Variants in OPRM1 observed in about 807,000 individuals in gnomAD.
The protein encoded by OPRM1 is opioid receptor mu 1.
In OPRM1, 27 loss-of-function variants were observed where a neutral mutation model predicts 31.8. The observed-to-expected ratio is 0.85, with a 90% confidence interval of 0.63 to 1.17. OPRM1 has a LOEUF of 1.17. Ranked by LOEUF, OPRM1 falls within the 50% of genes most tolerant of loss-of-function variation. OPRM1 has a pLI of 0.00. For synonymous variants in OPRM1, 196 were observed against 189.9 expected (o/e 1.03, Z -0.26); for missense variants, 536 against 511.1 (o/e 1.05, Z -0.47).
chr6:154,228,794 G>A (rs960631477), intron 3 of OPRM1, among the ~76,000 whole-genome samples: 4 of 152,196 alleles, frequency 2.6e-5, no homozygotes, highest in Non-Finnish European at 4.4e-5. Flanking sequence ...CGGCCAAGGC[G>A]GGAGGATGAC....
At chr6:154,046,063 A>T (rs1055242206) in intron 1 of OPRM1, among the ~76,000 whole-genome samples, 2 of 152,326 alleles carry the variant, frequency 1.3e-5, no homozygotes, top group South Asian at 4.1e-4. Context: ...TCTGCTGAAT[A>T]TCCTTCCTGT....
chr6:154,107,674 AGG>A, intron 3 of OPRM1: 2 of 718,544 alleles, frequency 2.8e-6, no homozygotes, highest in African/African-American at 1.7e-5. Flanking sequence ...GACCAAGAGA[AGG>A]TACTGCCGTG....
At position 154,158,344 on chromosome 6, in the gene OPRM1, G is replaced by T. The variant is rs374424604; in HGVS notation, c.1164+66872G>T. The T allele has an allele frequency of 2.6e-5, 4 of 152,314 alleles. No homozygotes were observed. The East Asian group carries it at 7.7e-4, about 29-fold the overall frequency. 9.4% of individuals were successfully genotyped at this position (152,314 alleles called of 1,614,324 possible). On this transcript the variant is annotated intron_variant, in intron 3 of 3. Coordinates refer to the OPRM1 transcript ENST00000337049. ...ATATTCATGGTGATTAGTAAGGGAA[G>T]ACTTTCATATTGTTTCTCTATAGCT...
At chr6:154,179,268 T>A (rs912138607) in intron 3 of OPRM1, among the ~76,000 whole-genome samples, 5 of 152,224 alleles carry the variant, frequency 3.3e-5, no homozygotes, top group South Asian at 2.1e-4. Context: ...ACAGCAGGCT[T>A]GTCAAACCTT....
chr6:154,119,542 C>A lies in OPRM1; in HGVS notation c.*821C>A. On this transcript the variant is annotated 3_prime_UTR_variant, in exon 4 of 4. Transcript: ENST00000330432. ...CAATGAGCTCATCACTTCATCCATGCAGGAAGTCAAGCATTAAAATGTACT... is the reference window on the plus strand; with the variant it reads ...CAATGAGCTCATCACTTCATCCATGAAGGAAGTCAAGCATTAAAATGTACT... 1 of 597,738 alleles carries A rather than the reference C, an allele frequency of 1.7e-6. No homozygotes were observed. Among genetic ancestry groups the A allele is most frequent in the Non-Finnish European group, 2.1e-6 (1 of 475,976 alleles). The allele number at this position is 597,738 out of a possible 1,614,324, so 37.0% of individuals were successfully genotyped here. A position where few individuals can be genotyped will look rare whatever the true frequency, so the allele number is the denominator to read the frequency against.
chr6:154,184,301 T>A (rs973215598), intron 3 of OPRM1, among the ~76,000 whole-genome samples: 1 of 152,038 alleles, frequency 6.6e-6, no homozygotes, highest in African/African-American at 2.4e-5. Context: ...AATAAAAAAT[T>A]GGAAATCACC....
At chr6:154,015,874 T>C (rs1175196957) in intron 1 of OPRM1, among the ~76,000 whole-genome samples, 1 of 151,990 alleles carries the variant, frequency 6.6e-6, no homozygotes, top group Non-Finnish European at 1.5e-5. Context: ...TCAACCTCAC[T>C]GATAAGAGAA....
At chr6:154,236,019 T>C (rs1780103722) in intron 3 of OPRM1, among the ~76,000 whole-genome samples, 1 of 152,196 alleles carries the variant, frequency 6.6e-6, no homozygotes, top group South Asian at 2.1e-4. Flanking sequence ...ACAATTAAGA[T>C]AGAACTACCA....
intron 3 of OPRM1, chr6:154,109,145 A>T (rs1796031774): frequency 3.9e-6 from 2 of 515,950 alleles, no homozygotes; most frequent in Non-Finnish European, 5.0e-6. Flanking sequence ...AGAGATGAAT[A>T]ACCAAGATGG....
rs139304813 is a variant in OPRM1, at chr6:154,208,554, G to A, written c.1165-38139G>A. ...AGAGGTTTGGCTCCATGATGAACATGAATCACAGTCCACTTTATTCACTGA... is the reference window on the plus strand; with the variant it reads ...AGAGGTTTGGCTCCATGATGAACATAAATCACAGTCCACTTTATTCACTGA... On this transcript the variant is annotated intron_variant, in intron 3 of 3. Transcript: ENST00000337049. 2.1e-3 allele frequency among the ~76,000 whole-genome samples: 315 copies of A among 152,266 alleles called. 2 individuals are homozygous for A. Among genetic ancestry groups the A allele is most frequent in the African/African-American group, 7.1e-3 (296 of 41,546 alleles).
rs865825832 is a variant in OPRM1 at position 154,198,359 on chromosome 6, C to G, written c.1165-48334C>G. Among the ~76,000 whole-genome samples, 22 of 152,292 alleles carry G rather than the reference C, an allele frequency of 1.4e-4. No homozygotes were observed. In the South Asian group the frequency reaches 2.3e-3, roughly 16 times the overall value. On this transcript the variant is annotated intron_variant, in intron 3 of 3. Coordinates refer to the OPRM1 transcript ENST00000337049. ...AGTCCAATCTTCAGCCCTCTCCATT[C>G]CTCAGTGACAAGGTTTCCTTTCTCC...
intron 3 of OPRM1, among the ~76,000 whole-genome samples, chr6:154,227,182 C>T (rs995580912): frequency 6.6e-6 from 1 of 151,312 alleles, no homozygotes; most frequent in African/African-American, 2.4e-5. Flanking sequence ...CCAGCCTGGG[C>T]AACAGAGCAA....
chr6:154,049,296 C>CA (rs1247959730), intron 1 of OPRM1, among the ~76,000 whole-genome samples: 2 of 151,674 alleles, frequency 1.3e-5, no homozygotes, highest in Admixed American at 6.6e-5. Context: ...ACAACAACAA[C>CA]AAAAAAACAC....
chr6:154,063,234 CG>C (rs1399581516), intron 1 of OPRM1, among the ~76,000 whole-genome samples: 1 of 151,924 alleles, frequency 6.6e-6, no homozygotes, highest in East Asian at 1.9e-4. Flanking sequence ...ACAATAATCA[CG>C]GTTGTCTAAG....
At chr6:154,180,673 C>A (rs537365898) in intron 3 of OPRM1, among the ~76,000 whole-genome samples, 1 of 152,054 alleles carries the variant, frequency 6.6e-6, no homozygotes, top group Non-Finnish European at 1.5e-5. Context: ...CTGCCTCCCC[C>A]ACTATCTTAT....
intron 3 of OPRM1, among the ~76,000 whole-genome samples, chr6:154,164,756 G>A (rs995830762): frequency 1.6e-4 from 24 of 152,226 alleles, no homozygotes; most frequent in Admixed American, 4.6e-4. Flanking sequence ...AACTCAGAGA[G>A]AGTTTCAGTT....
intron 1 of OPRM1, among the ~76,000 whole-genome samples, chr6:154,067,500 C>T (rs1785696536): frequency 6.6e-6 from 1 of 150,918 alleles, no homozygotes; most frequent in Non-Finnish European, 1.5e-5. Flanking sequence ...TTAATTTTAT[C>T]CAATTTTGGT....
At chr6:154,188,239 C>T (rs897003847) in intron 3 of OPRM1, among the ~76,000 whole-genome samples, 7 of 151,978 alleles carry the variant, frequency 4.6e-5, no homozygotes, top group African/African-American at 7.2e-5. Context: ...AGAGAAAAAT[C>T]GATGTTAAAA....
At chr6:154,138,714 CAA>C (rs1025156765) in intron 3 of OPRM1, among the ~76,000 whole-genome samples, 1 of 152,222 alleles carries the variant, frequency 6.6e-6, no homozygotes, top group Non-Finnish European at 1.5e-5. Context: ...TAGTTTAAAA[CAA>C]AGATGATAAC....
Sources: gnomAD v4.1 joint callset for allele counts (sites outside exome capture counted in the v4.1 genomes callset) on GRCh38, gnomAD v4.1.1 for gene constraint, MANE v1.5 for transcripts, NCBI Gene and HGNC (gene_info 2026-07-23, HGNC 2026-07-21) for gene names.